Variants in SMU1 observed in about 807,000 individuals in gnomAD.
SMU1 encodes the protein WD40 repeat-containing protein SMU1.
A neutral mutation model predicts 62.0 loss-of-function variants in SMU1; 2 were observed. The ratio of observed to expected loss-of-function variants is 0.03; its 90% CI spans 0.01 to 0.10. The LOEUF (loss-of-function observed/expected upper bound fraction) is 0.10. SMU1 is among the 10% of genes least tolerant of loss of function. The pLI is 1.00. For missense variants in SMU1, 227 were observed against 622.1 expected (o/e 0.36, Z 6.76); for synonymous variants, 188 against 212.4 (o/e 0.89, Z 1.00).
At chr9:33,069,027 A>G in intron 3 of SMU1, 93 bp from the exon 4 acceptor site, 1 of 1,437,538 alleles carries the variant, frequency 7.0e-7, no homozygotes, top group Non-Finnish European at 9.2e-7. Flanking sequence ...GCATACACAG[A>G]GGAAAATGTG....
At chr9:33,060,654 C>T in intron 5 of SMU1, 70 bp from the exon 6 acceptor site, 1 of 1,587,164 alleles carries the variant, frequency 6.3e-7, no homozygotes, top group Non-Finnish European at 8.6e-7. Flanking sequence ...CTTTTTTAAC[C>T]TTTTGAGAAA....
chr9:33,051,715 C>T lies in SMU1; in HGVS notation c.1290+1408G>A, dbSNP rs367571109. Among the ~76,000 whole-genome samples, 6 of 152,140 alleles carry T rather than the reference C, an allele frequency of 3.9e-5. No individual in the cohort carries two copies. The South Asian group carries it at 6.2e-4, about 16-fold the overall frequency. Reference sequence around the variant, plus strand: ...CCAGGGGCTAGGGTTATGGGGAAGACGTGACTATAAAGATGTAGCATGAGA... The same window carrying T: ...CCAGGGGCTAGGGTTATGGGGAAGATGTGACTATAAAGATGTAGCATGAGA... On this transcript the variant is annotated intron_variant, in intron 10 of 11. Coordinates refer to ENST00000397149, the MANE Select transcript of SMU1 (RefSeq NM_018225.3).
chr9:33,067,815 T>C (rs1030571299), intron 4 of SMU1, among the ~76,000 whole-genome samples: 11 of 152,180 alleles, frequency 7.2e-5, no homozygotes, highest in African/African-American at 2.4e-4. Context: ...CAGCTTACTT[T>C]TGAATCTCAG....
intron 4 of SMU1, among the ~76,000 whole-genome samples, chr9:33,063,055 G>T (rs1266650774): frequency 6.6e-6 from 1 of 152,110 alleles, no homozygotes; most frequent in Non-Finnish European, 1.5e-5. Flanking sequence ...AACTGAAAAA[G>T]TCGGGAAAAA....
chr9:33,056,619 A>G (rs1218959064), intron 8 of SMU1, among the ~76,000 whole-genome samples: 2 of 152,080 alleles, frequency 1.3e-5, no homozygotes, highest in Non-Finnish European at 2.9e-5. Flanking sequence ...AAGCACTGCT[A>G]CCCCCTTTCA....
Position 33,062,160 on chromosome 9 carries a change from C to T in SMU1, c.519G>A (p.Gln173=), listed in dbSNP as rs757129552. The T allele has an allele frequency of 1.2e-6, 2 of 1,613,320 alleles. No individual in the cohort carries two copies. Among genetic ancestry groups the T allele is most frequent in the Admixed American group, 1.7e-5 (1 of 59,902 alleles). ...ALLGQALKWQ[Q]HQGLLPPGMT... Reference sequence around the variant, plus strand: ...TACCAGGAGGAAGCAATCCCTGATGCTGCTGCCACTTCAGTGCCTATGAGG... The same window carrying T: ...TACCAGGAGGAAGCAATCCCTGATGTTGCTGCCACTTCAGTGCCTATGAGG... Residue 173 remains glutamine (Q), a synonymous_variant, in exon 5 of 12, where the codon CAG becomes CAA. Transcript: ENST00000397149.
chr9:33,053,330 A>G, intron 9 of SMU1, 40 bp from the exon 10 acceptor site: 1 of 1,578,622 alleles, frequency 6.3e-7, no homozygotes, highest in Non-Finnish European at 8.6e-7. Flanking sequence ...TTTTTTAGGT[A>G]TAAAAATTTC....
chr9:33,061,414 CCAAAGT>C (rs1839359850), intron 5 of SMU1, among the ~76,000 whole-genome samples: 1 of 151,946 alleles, frequency 6.6e-6, no homozygotes, highest in Non-Finnish European at 1.5e-5. Context: ...AAATGTTAAC[CCAAAGT>C]CAAAGATTTG....
At chr9:33,048,622 T>C (rs1452994585) in intron 10 of SMU1, among the ~76,000 whole-genome samples, 1 of 152,236 alleles carries the variant, frequency 6.6e-6, no homozygotes, top group Non-Finnish European at 1.5e-5. Context: ...CAGTTTCCTC[T>C]AACAGAATGA....
Position 33,057,046 on chromosome 9 carries a change from C to T in SMU1, c.868-82G>A. ...ATAGCCCACAGAGCCAAGCAAGATG[C>T]AATGCTCACTAATGTACTGAAACAG... On this transcript the variant is annotated intron_variant, in intron 7 of 11. Transcript: ENST00000397149. 13 of 1,438,102 alleles carry T rather than the reference C, an allele frequency of 9.0e-6. No individual in the cohort carries two copies. In the South Asian group the frequency reaches 1.4e-4, roughly 15 times the overall value. The allele number at this position is 1,438,102 out of a possible 1,614,324, so 89.1% of individuals were successfully genotyped here.
Position 33,047,158 on chromosome 9 carries a change from T to TC in SMU1, c.*134dup, listed in dbSNP as rs1839194719. On this transcript the variant is annotated 3_prime_UTR_variant, in exon 12 of 12. Transcript: ENST00000397149. ...GTAGTTGCTACTTAAACATGAATTT[T>TC]CACAAAATTATTCTGTGACTAATTC... 1 of 581,546 alleles carries TC rather than the reference T, an allele frequency of 1.7e-6. No homozygotes were observed. The highest frequency in any genetic ancestry group is 2.0e-5 in the African/African-American group (1 of 50,274). 36.0% of individuals were successfully genotyped at this position (581,546 alleles called of 1,614,324 possible). A position where few individuals can be genotyped will look rare whatever the true frequency, so the allele number is the denominator to read the frequency against.
chr9:33,047,957 T>C, intron 11 of SMU1, 149 bp downstream of exon 11: 1 of 633,712 alleles, frequency 1.6e-6, no homozygotes, highest in East Asian at 2.8e-5. Flanking sequence ...TTTTACTTCT[T>C]GAATTTGACA....
intron 2 of SMU1, among the ~76,000 whole-genome samples, chr9:33,072,103 A>G (rs985825196): frequency 6.6e-6 from 1 of 151,082 alleles, no homozygotes. Flanking sequence ...GGAGGCCAAG[A>G]TGGGCGGATC....
At chr9:33,060,028 T>C (rs774783373) in intron 6 of SMU1, among the ~76,000 whole-genome samples, 3 of 152,112 alleles carry the variant, frequency 2.0e-5, no homozygotes, top group African/African-American at 2.4e-5. Context: ...TTTTGCTTTT[T>C]GTTTTTGAGA....
rs61036431 is a variant in SMU1, at chr9:33,049,764, C to CCACACACACACACACACA, written c.1291-1524_1291-1507dup. On this transcript the variant is annotated intron_variant, in intron 10 of 11. Transcript: ENST00000397149. ...TCAGCAACATGGCATGACCCCATTT[C>CCACACACACACACACACA]CACACACACACACACACACACACAA... Among the ~76,000 whole-genome samples the CCACACACACACACACACA allele has an allele frequency of 5.0e-3, 738 of 148,506 alleles. 5 individuals are homozygous for CCACACACACACACACACA. Among genetic ancestry groups the CCACACACACACACACACA allele is most frequent in the South Asian group, 0.014 (63 of 4,658 alleles).
Position 33,046,971 on chromosome 9 carries a change from G to C in SMU1, c.*322C>G, listed in dbSNP as rs10971363. Reference sequence around the variant, plus strand: ...CTTATTTACAAGTTTTACTATGGGAGGGACATTTTCCTCAGCATTTCAAAT... The same window carrying C: ...CTTATTTACAAGTTTTACTATGGGACGGACATTTTCCTCAGCATTTCAAAT... On this transcript the variant is annotated 3_prime_UTR_variant, in exon 12 of 12. Transcript: ENST00000397149. 38,164 of 201,490 alleles carry C rather than the reference G, an allele frequency of 0.19. 4,089 individuals carry two copies. Among genetic ancestry groups the C allele is most frequent in the Middle Eastern group, 0.27 (131 of 488 alleles). 12.5% of individuals were successfully genotyped at this position (201,490 alleles called of 1,614,324 possible).
chr9:33,074,273 C>A (rs373793349), intron 1 of SMU1, among the ~76,000 whole-genome samples: 2 of 152,044 alleles, frequency 1.3e-5, no homozygotes, highest in African/African-American at 4.8e-5. Context: ...GAGACCAGAT[C>A]AGGCAGCTGT....
Position 33,043,596 on chromosome 9 carries a change from A to T in SMU1, c.*3697T>A, listed in dbSNP as rs995966178. ...TAATTCAGTTCTCTCTACTCATCTCACTACCTGTGCTCTGCTTAGGTGAAT... is the reference window on the plus strand; with the variant it reads ...TAATTCAGTTCTCTCTACTCATCTCTCTACCTGTGCTCTGCTTAGGTGAAT... On this transcript the variant is annotated 3_prime_UTR_variant, in exon 12 of 12. Transcript: ENST00000397149. 2 of 152,216 alleles carry T rather than the reference A, an allele frequency of 1.3e-5. No homozygotes were observed. The highest frequency in any genetic ancestry group is 2.9e-5 in the Non-Finnish European group (2 of 68,046). 9.4% of individuals were successfully genotyped at this position (152,216 alleles called of 1,614,324 possible).
chr9:33,066,732 G>A (rs555298608), intron 4 of SMU1, among the ~76,000 whole-genome samples: 16 of 152,014 alleles, frequency 1.1e-4, no homozygotes, highest in Middle Eastern at 3.4e-3. Flanking sequence ...CTCGAACCCA[G>A]AAGGCGGAGG....
Sources: allele counts gnomAD v4.1 joint callset (sites outside exome capture counted in the v4.1 genomes callset), GRCh38; gene constraint gnomAD v4.1.1; transcripts MANE v1.5; gene names NCBI Gene and HGNC (gene_info 2026-07-23, HGNC 2026-07-21).